The following RGS12 variants were observed in gnomAD, a reference collection of about 807,000 sequenced individuals.
RGS12 encodes regulator of G protein signaling 12, also known as regulator of G-protein signaling 12.
RGS12 carries 66 observed loss-of-function variants against 120.1 expected under a neutral mutation model. That is an observed-to-expected ratio of 0.55 (90% CI 0.45 to 0.67). The LOEUF is 0.67. RGS12 is among the 30% of genes least tolerant of loss of function. The pLI is 0.00. For synonymous variants in RGS12, 827 were observed against 804.7 expected, an observed-to-expected ratio of 1.03 and a Z score of -0.47; for missense variants, 1,859 against 1,957.7, an observed-to-expected ratio of 0.95 and a Z score of 0.95.
intron 3 of RGS12, among the ~76,000 whole-genome samples, chr4:3,361,334 C>T (rs1351811369): frequency 1.3e-5 from 2 of 152,228 alleles, no homozygotes; most frequent in Non-Finnish European, 2.9e-5. Flanking sequence ...TCATGATAAA[C>T]CACCGAGCCA....
chr4:3,373,171 T>TGGCC (rs1560124151), intron 3 of RGS12, among the ~76,000 whole-genome samples: 1 of 152,074 alleles, frequency 6.6e-6, no homozygotes, highest in Non-Finnish European at 1.5e-5. Flanking sequence ...GGGCGGTGGC[T>TGGCC]GCTGGCGACA....
intron 2 of RGS12, among the ~76,000 whole-genome samples, chr4:3,325,181 A>C (rs867784097): frequency 1.3e-5 from 2 of 152,174 alleles, no homozygotes; most frequent in Non-Finnish European, 2.9e-5. Flanking sequence ...TTGGAGGGTA[A>C]AGGATAGGAT....
At chr4:3,383,185 G>T (rs1377370535) in intron 3 of RGS12, among the ~76,000 whole-genome samples, 1 of 152,140 alleles carries the variant, frequency 6.6e-6, no homozygotes, top group Non-Finnish European at 1.5e-5. Flanking sequence ...ACCGTGCTGT[G>T]GCTGAGGCTC....
chr4:3,362,073 G>A (rs575798928), intron 3 of RGS12, among the ~76,000 whole-genome samples: 1 of 152,332 alleles, frequency 6.6e-6, no homozygotes, highest in South Asian at 2.1e-4. Context: ...GAGGGCGGCC[G>A]TCCGCTGTGG....
At chr4:3,391,632 G>A (rs932350537) in intron 4 of RGS12, among the ~76,000 whole-genome samples, 1 of 152,208 alleles carries the variant, frequency 6.6e-6, no homozygotes, top group South Asian at 2.1e-4. Context: ...TAAAACAAAC[G>A]AAGAACTCCT....
intron 2 of RGS12, among the ~76,000 whole-genome samples, chr4:3,331,186 G>A (rs534596838): frequency 2.1e-4 from 32 of 152,114 alleles, no homozygotes; most frequent in Non-Finnish European, 4.7e-4. Context: ...CTGTTTTGGT[G>A]TAAAAAATTC....
intron 3 of RGS12, among the ~76,000 whole-genome samples, chr4:3,343,790 A>T (rs528436904): frequency 6.6e-6 from 1 of 151,746 alleles, no homozygotes; most frequent in East Asian, 1.9e-4. Context: ...ACAACCACTG[A>T]TCCTTTGACT....
intron 15 of RGS12, 165 bp from the exon 16 acceptor site, chr4:3,428,393 C>G (rs1262647878): frequency 1.3e-6 from 1 of 770,776 alleles, no homozygotes; most frequent in Non-Finnish European, 2.1e-6. Flanking sequence ...GCCTTAAATG[C>G]TATTCTTGTT....
chr4:3,425,640 G>A, intron 14 of RGS12, 80 bp downstream of exon 14: 1 of 1,049,166 alleles, frequency 9.5e-7, no homozygotes, highest in Non-Finnish European at 1.4e-6. Flanking sequence ...CCGGTGCAGG[G>A]GAGGGGGTGA....
intron 13 of RGS12, 61 bp downstream of exon 13, chr4:3,423,702 C>T (rs1723288452): frequency 1.9e-6 from 3 of 1,563,382 alleles, no homozygotes; most frequent in South Asian, 1.1e-5. Flanking sequence ...CCTTTGGCAG[C>T]CTCTGTGTTG....
intron 3 of RGS12, among the ~76,000 whole-genome samples, chr4:3,348,578 CAGG>C (rs1431155138): frequency 2.0e-5 from 3 of 152,146 alleles, no homozygotes; most frequent in Non-Finnish European, 4.4e-5. Context: ...GTGGCTTGAG[CAGG>C]GCAGTACAGG....
At chr4:3,363,680 G>C (rs881818) in intron 3 of RGS12, among the ~76,000 whole-genome samples, 39,843 of 151,862 alleles carry the variant, frequency 0.26, 5,400 homozygotes, top group South Asian at 0.35. Flanking sequence ...GCAGCGCGTG[G>C]ACCTGCCGGC....
chr4:3,384,583 C>A (rs1413083466), intron 3 of RGS12, among the ~76,000 whole-genome samples: 2 of 152,242 alleles, frequency 1.3e-5, no homozygotes, highest in African/African-American at 4.8e-5. Flanking sequence ...CTGATAAAAA[C>A]CAGTTCCTGC....
chr4:3,377,993 A>G lies in RGS12; in HGVS notation c.1999-8423A>G, dbSNP rs1028967922. Among the ~76,000 whole-genome samples, 127 of 152,272 alleles carry G rather than the reference A, an allele frequency of 8.3e-4. 1 individual carries two copies. The highest frequency in any genetic ancestry group is 2.9e-3 in the African/African-American group (122 of 41,554). On this transcript the variant is annotated intron_variant, in intron 3 of 17. Coordinates refer to ENST00000336727, the MANE Select transcript of RGS12 (RefSeq NM_001394154.1). ...TGCTGACTTACTGGGGTCTTTTTCC[A>G]TGGGTGGCTTTGTTTTTGTGGCTGT...
intron 15 of RGS12, 37 bp from the exon 16 acceptor site, chr4:3,428,521 A>G: frequency 6.5e-7 from 1 of 1,533,934 alleles, no homozygotes; most frequent in Non-Finnish European, 8.8e-7. Context: ...TCGTGTATTG[A>G]AATGAAAGTA....
chr4:3,413,930 G>A, intron 4 of RGS12, 142 bp from the exon 5 acceptor site: 1 of 777,084 alleles, frequency 1.3e-6, no homozygotes, highest in Non-Finnish European at 2.0e-6. Flanking sequence ...TGGTAGGTGT[G>A]CTGTGCATAG....
intron 17 of RGS12, among the ~76,000 whole-genome samples, chr4:3,432,552 G>A (rs1302806153): frequency 6.6e-6 from 1 of 152,226 alleles, no homozygotes; most frequent in African/African-American, 2.4e-5. Context: ...ACAGACCCAC[G>A]TGGGGGGTCA....
intron 3 of RGS12, among the ~76,000 whole-genome samples, chr4:3,376,503 G>A (rs1717712365): frequency 1.3e-5 from 2 of 152,098 alleles, no homozygotes; most frequent in African/African-American, 4.8e-5. Flanking sequence ...CTGCCACCCT[G>A]GGGGGAGACA....
rs747696519 is a variant in RGS12, at chr4:3,430,768, G to T, written c.3927G>T (p.Ala1309=). The T allele has an allele frequency of 6.2e-7, 1 of 1,610,304 alleles. No individual in the cohort carries two copies. Among genetic ancestry groups the T allele is most frequent in the South Asian group, 1.1e-5 (1 of 90,744 alleles). The change falls in exon 17 of 18, where the codon GCG becomes GCT. Residue 1309 remains alanine (A), a synonymous_variant. Transcript: ENST00000336727. ...CTCCCCAGTCCCCCGTCTCCCTCGC[G>T]CAGGAGGGCACCGCCCAGATCTGGA... ...FCTPQSPVSL[A]QEGTAQIWKR...
Sources: gnomAD v4.1 joint callset for allele counts (sites outside exome capture counted in the v4.1 genomes callset) on GRCh38, gnomAD v4.1.1 for gene constraint, MANE v1.5 for transcripts, NCBI Gene and HGNC (gene_info 2026-07-23, HGNC 2026-07-21) for gene names.